Variants in MPPED1 observed in about 807,000 individuals in gnomAD.
MPPED1 encodes the protein metallophosphoesterase domain-containing protein 1.
MPPED1 carries 16 observed loss-of-function variants against 36.2 expected under a neutral mutation model. The observed-to-expected ratio is 0.44, with a 90% CI of 0.30 to 0.67. The LOEUF is 0.67. MPPED1 is among the 30% of genes least tolerant of loss of function. The pLI is 0.10. For synonymous variants in MPPED1, 199 were observed against 191.3 expected, an observed-to-expected ratio of 1.04 and a Z score of -0.33; for missense variants, 307 against 453.4, an observed-to-expected ratio of 0.68 and a Z score of 2.93.
intron 3 of MPPED1, among the ~76,000 whole-genome samples, chr22:43,469,651 G>C (rs1253263425): frequency 1.3e-5 from 2 of 152,188 alleles, no homozygotes; most frequent in South Asian, 2.1e-4. Context: ...TGTTTAATTG[G>C]AGAAGATTCA....
chr22:43,475,359 T>C (rs1190420215), intron 4 of MPPED1, among the ~76,000 whole-genome samples: 1 of 151,888 alleles, frequency 6.6e-6, no homozygotes, highest in Non-Finnish European at 1.5e-5. Flanking sequence ...CTTTAATGAA[T>C]ATTCTATAAT....
At chr22:43,421,446 C>T (rs980756490) in intron 1 of MPPED1, among the ~76,000 whole-genome samples, 13 of 152,248 alleles carry the variant, frequency 8.5e-5, no homozygotes, top group South Asian at 2.1e-4. Flanking sequence ...AGCGGTTCTC[C>T]CTCGACTGCA....
intron 3 of MPPED1, among the ~76,000 whole-genome samples, chr22:43,453,587 C>T (rs1930650814): frequency 6.6e-6 from 1 of 152,128 alleles, no homozygotes; most frequent in Non-Finnish European, 1.5e-5. Flanking sequence ...ACCATTTACT[C>T]TTCTTTCATC....
chr22:43,414,914 T>C (rs1929024497), intron 1 of MPPED1, among the ~76,000 whole-genome samples: 1 of 152,102 alleles, frequency 6.6e-6, no homozygotes, highest in African/African-American at 2.4e-5. Context: ...GCTCCCTCCG[T>C]ACCCACAGAT....
intron 2 of MPPED1, among the ~76,000 whole-genome samples, chr22:43,432,895 A>G (rs1338265403): frequency 2.1e-4 from 9 of 42,804 alleles, no homozygotes; most frequent in Non-Finnish European, 4.1e-4. Context: ...GAAAGGGAGG[A>G]GAGAGAGAGG....
At chr22:43,462,760 C>T (rs1396517966) in intron 3 of MPPED1, among the ~76,000 whole-genome samples, 1 of 152,156 alleles carries the variant, frequency 6.6e-6, no homozygotes, top group Non-Finnish European at 1.5e-5. Flanking sequence ...AAGGCCTGCT[C>T]CCATTGGGAC....
chr22:43,488,857 G>GC (rs1931997373), intron 4 of MPPED1, among the ~76,000 whole-genome samples: 2 of 152,368 alleles, frequency 1.3e-5, no homozygotes, highest in South Asian at 4.1e-4. Context: ...GCTGTGGTGT[G>GC]CCCCGCACAG....
In MPPED1 at chr22:43,502,676, C is replaced by A. The variant is rs376965156; in HGVS notation, c.781C>A (p.Arg261=). The A allele has an allele frequency of 1.1e-5, 17 of 1,613,136 alleles. No individual in the cohort carries two copies. The highest frequency in any genetic ancestry group is 3.3e-4 in the Middle Eastern group (2 of 6,084). The change falls in exon 6 of 7, where the codon CGG becomes AGG. Residue 261 remains arginine, a synonymous_variant. Coordinates refer to ENST00000443721, the MANE Select transcript of MPPED1 (RefSeq NM_001044370.2). The surrounding 1 kb of genome is among the most constrained non-coding windows in gnomAD (Gnocchi z 5.5). ...FLDWVPKKMQ[R]VGCVELLNTV... ...GGACTGGGTCCCCAAGAAGATGCAG[C>A]GGGTGGGCTGTGTGGAGCTGCTCAA...
chr22:43,499,044 T>TGGTGGTGATGGAGGTAGTGGTGATGGA, intron 5 of MPPED1, among the ~76,000 whole-genome samples: 1 of 151,588 alleles, frequency 6.6e-6, no homozygotes, highest in South Asian at 2.1e-4. Context: ...ATGGTGGAGG[T>TGGTGGTGATGGAGGTAGTGGTGATGGA]GGTGGTGATG....
At chr22:43,498,389 T>TC in intron 5 of MPPED1, 39 bp downstream of exon 5, 1 of 1,480,064 alleles carries the variant, frequency 6.8e-7, no homozygotes, top group South Asian at 1.2e-5. Context: ...CTCGCCCATC[T>TC]GGGCTGGTGG....
intron 5 of MPPED1, among the ~76,000 whole-genome samples, chr22:43,501,842 C>T (rs1932744302): frequency 6.6e-6 from 1 of 152,028 alleles, no homozygotes; most frequent in Non-Finnish European, 1.5e-5. Context: ...CCTCCTCCCT[C>T]ATCTTTGTCT....
chr22:43,467,998 G>C (rs926499967), intron 3 of MPPED1, among the ~76,000 whole-genome samples: 1 of 152,196 alleles, frequency 6.6e-6, no homozygotes, highest in African/African-American at 2.4e-5. Flanking sequence ...AAAAAGCAGA[G>C]ACTTCCATGC....
intron 3 of MPPED1, among the ~76,000 whole-genome samples, chr22:43,465,287 G>A (rs961729406): frequency 9.2e-5 from 14 of 152,232 alleles, no homozygotes; most frequent in African/African-American, 3.4e-4. Flanking sequence ...TGACAGTTGG[G>A]AGGCTGCCAC....
intron 4 of MPPED1, among the ~76,000 whole-genome samples, chr22:43,496,047 A>T (rs1339824565): frequency 2.8e-4 from 6 of 21,610 alleles, no homozygotes; most frequent in Admixed American, 1.0e-3. Flanking sequence ...GTGGTGGTGG[A>T]GGTGGTGATG....
intron 5 of MPPED1, among the ~76,000 whole-genome samples, chr22:43,498,998 G>C (rs542750186): frequency 6.6e-6 from 1 of 152,270 alleles, no homozygotes; most frequent in African/African-American, 2.4e-5. Context: ...CCCTGCCTCA[G>C]TCCAGGACAA....
intron 3 of MPPED1, among the ~76,000 whole-genome samples, chr22:43,454,694 G>A (rs1321425430): frequency 6.6e-6 from 1 of 152,082 alleles, no homozygotes; most frequent in Non-Finnish European, 1.5e-5. Flanking sequence ...GGGACTACTG[G>A]TGCACACCAC....
At chr22:43,419,753 A>G (rs948441295) in intron 1 of MPPED1, among the ~76,000 whole-genome samples, 1 of 152,094 alleles carries the variant, frequency 6.6e-6, no homozygotes, top group Non-Finnish European at 1.5e-5. Context: ...GGGGGTGGTC[A>G]GAGAGAGGCA....
intron 1 of MPPED1, 21 bp downstream of exon 1, chr22:43,412,179 G>C: frequency 2.0e-6 from 2 of 977,540 alleles, no homozygotes; most frequent in Non-Finnish European, 2.4e-6. Context: ...AGGCGGGCGG[G>C]GCGCGGCGGG....
At chr22:43,451,930 C>CA (rs1930583836) in intron 3 of MPPED1, among the ~76,000 whole-genome samples, 7 of 152,206 alleles carry the variant, frequency 4.6e-5, no homozygotes, top group Admixed American at 4.6e-4. Flanking sequence ...GCCGGAGTGC[C>CA]AATCCTGACT....
Sources: allele counts gnomAD v4.1 joint callset (sites outside exome capture counted in the v4.1 genomes callset), GRCh38; gene constraint gnomAD v4.1.1; non-coding constraint Gnocchi (gnomAD v3.1); transcripts MANE v1.5; gene names NCBI Gene and HGNC (gene_info 2026-07-23, HGNC 2026-07-21).